Variants in BEND3 observed in about 807,000 individuals in gnomAD.
BEND3 encodes BEN domain-containing protein 3.
Under a neutral mutation model 60.1 loss-of-function variants are expected in BEND3, and 13 were observed. The observed-to-expected ratio is 0.22, with a 90% CI of 0.14 to 0.34. BEND3 has a LOEUF of 0.34. BEND3 is among the 10% of genes least tolerant of loss of function. The pLI is 1.00. For missense variants in BEND3, 896 were observed against 1,138.1 expected (o/e 0.79, Z 3.06); for synonymous variants, 497 against 491.5 (o/e 1.01, Z -0.15).
intron 1 of BEND3, among the ~76,000 whole-genome samples, chr6:107,104,942 G>A (rs576970756): frequency 1.3e-5 from 2 of 152,230 alleles, no homozygotes; most frequent in African/African-American, 4.8e-5. Context: ...TGGGATTAGA[G>A]GTGTGAGCCA....
chr6:107,099,563 C>T (rs567324048), intron 1 of BEND3, among the ~76,000 whole-genome samples: 1 of 152,140 alleles, frequency 6.6e-6, no homozygotes, highest in Admixed American at 6.5e-5. Flanking sequence ...ACTTACTGAG[C>T]CATGGGAACA....
chr6:107,072,190 G>A (rs1774997986), intron 3 of BEND3, among the ~76,000 whole-genome samples: 2 of 152,184 alleles, frequency 1.3e-5, no homozygotes, highest in African/African-American at 2.4e-5. Flanking sequence ...CGGGCAACTG[G>A]GAATGGACAA....
In BEND3 at chr6:107,070,943, A is replaced by C; in HGVS notation, c.248T>G (p.Leu83Arg). 1 of 1,604,622 alleles carries C rather than the reference A, an allele frequency of 6.2e-7. No homozygotes were observed. Among genetic ancestry groups the C allele is most frequent in the Non-Finnish European group, 8.5e-7 (1 of 1,175,454 alleles). ...GTTCTCACGGTTCCGCATGCCTGCT[A>C]GGAGAGCCTGCAAAACAAAAATCAT... ...KRRRLIPEALLAGMRNRENSS... is the reference protein window; with the variant it reads ...KRRRLIPEALRAGMRNRENSS... Residue 83 changes from leucine (L) to arginine (R), a missense_variant, in exon 4 of 4, where the codon CTA (leucine) becomes CGA (arginine). Leu to Arg is a moderately radical substitution (Grantham distance 102). Around this residue, in one of 4 missense-constraint regions of BEND3, gnomAD observed 846 missense variants for 1,036.7 expected, o/e 0.82. Transcript: ENST00000369042. The surrounding 1 kb of genome is among the most constrained non-coding windows in gnomAD (Gnocchi z 6.9).
intron 1 of BEND3, among the ~76,000 whole-genome samples, chr6:107,101,964 A>G (rs1775710226): frequency 6.6e-6 from 1 of 152,218 alleles, no homozygotes; most frequent in Non-Finnish European, 1.5e-5. Flanking sequence ...TACTTTACAA[A>G]ACAAATTACA....
chr6:107,085,171 C>G (rs1775317044), intron 3 of BEND3, among the ~76,000 whole-genome samples: 1 of 152,188 alleles, frequency 6.6e-6, no homozygotes, highest in Non-Finnish European at 1.5e-5. Context: ...CTCCTGAAGT[C>G]AGCGAGACCA....
rs149718519 is a variant in BEND3 at position 107,109,890 on chromosome 6, G to A, written c.-12+5200C>T. Among the ~76,000 whole-genome samples, 812 of 152,188 alleles carry A rather than the reference G, an allele frequency of 5.3e-3. 11 individuals are homozygous for A. Among genetic ancestry groups the A allele is most frequent in the African/African-American group, 0.018 (758 of 41,522 alleles). On this transcript the variant is annotated intron_variant, in intron 1 of 3. Coordinates refer to ENST00000369042, the MANE Select transcript of BEND3 (RefSeq NM_001367314.1). The stretch of plus-strand genomic sequence containing the variant: ...ACTCCGTCTCAAAAAAATCAGCCAG[G>A]CATGGTGGCACAGGCCTGTAGTTCC...
intron 1 of BEND3, among the ~76,000 whole-genome samples, chr6:107,110,447 G>A (rs1342159077): frequency 6.6e-6 from 1 of 152,124 alleles, no homozygotes; most frequent in East Asian, 1.9e-4. Context: ...AAATACTGAC[G>A]TATCAGAAGC....
At chr6:107,104,048 T>C (rs1554237055) in intron 1 of BEND3, among the ~76,000 whole-genome samples, 1 of 151,110 alleles carries the variant, frequency 6.6e-6, no homozygotes. Flanking sequence ...CCCCAGCACT[T>C]TGGAGGCGGG....
At chr6:107,083,995 G>T (rs311223) in intron 3 of BEND3, among the ~76,000 whole-genome samples, 124,700 of 152,290 alleles carry the variant, frequency 0.82, 51,112 homozygotes, top group East Asian at 0.89. Context: ...AGGTATCTGG[G>T]CCAGCATGGA....
chr6:107,080,394 GAAAA>G (rs58434022), intron 3 of BEND3, among the ~76,000 whole-genome samples: 2 of 124,266 alleles, frequency 1.6e-5, no homozygotes, highest in Non-Finnish European at 3.5e-5. Context: ...ACAGGAAAAA[GAAAA>G]AAAGAAAAGA....
intron 3 of BEND3, among the ~76,000 whole-genome samples, chr6:107,085,809 C>T (rs1437545263): frequency 4.8e-5 from 5 of 103,122 alleles, no homozygotes; most frequent in South Asian, 3.0e-4. Flanking sequence ...TTTTTTGAGA[C>T]GGAGTCTTGC....
chr6:107,070,156 C>T lies in BEND3; in HGVS notation c.1035G>A (p.Met345Ile). ...FFSRFWAQRE[M>I]EDSQPSGQVA... ...CCTGGCCGCTGGGCTGGCTGTCCTC[C>T]ATTTCCCGCTGGGCCCAGAAGCGGC... The change falls in exon 4 of 4, where the codon ATG becomes ATA. Residue 345 changes from methionine to isoleucine, a missense_variant. By Grantham distance (10) the Met-to-Ile change is conservative. Coordinates refer to ENST00000369042, the MANE Select transcript of BEND3 (RefSeq NM_001367314.1). This position sits in a 1 kb window ranked among gnomAD's most constrained non-coding sequence, Gnocchi z 6.9. 17 of 1,613,042 alleles carry T rather than the reference C, an allele frequency of 1.1e-5. No individual in the cohort carries two copies. Among genetic ancestry groups the T allele is most frequent in the Non-Finnish European group, 1.4e-5 (17 of 1,179,960 alleles).
In BEND3 at chr6:107,115,231, G is replaced by T; in HGVS notation, c.-153C>A. ...GGCCCGGGGAGGCGCTGGGGGCGGCGGGCGGGCGAGCGCCGTGTATTTTCC... is the reference window on the plus strand; with the variant it reads ...GGCCCGGGGAGGCGCTGGGGGCGGCTGGCGGGCGAGCGCCGTGTATTTTCC... On this transcript the variant is annotated 5_prime_UTR_variant, in exon 1 of 4. Coordinates refer to ENST00000369042, the MANE Select transcript of BEND3 (RefSeq NM_001367314.1). The T allele has an allele frequency of 6.7e-6, 1 of 150,054 alleles. No individual in the cohort carries two copies. Among genetic ancestry groups the T allele is most frequent in the South Asian group, 1.8e-4 (1 of 5,406 alleles). 9.3% of individuals were successfully genotyped at this position (150,054 alleles called of 1,614,324 possible).
intron 1 of BEND3, among the ~76,000 whole-genome samples, chr6:107,101,379 T>A (rs1775699205): frequency 6.6e-6 from 1 of 152,146 alleles, no homozygotes; most frequent in African/African-American, 2.4e-5. Flanking sequence ...AGCACAATCA[T>A]CACTGCAAAG....
chr6:107,067,759 T>C lies in BEND3; in HGVS notation c.*945A>G, dbSNP rs1774863154. 1 of 152,120 alleles carries C rather than the reference T, an allele frequency of 6.6e-6. No individual in the cohort carries two copies. The highest frequency in any genetic ancestry group is 1.5e-5 in the Non-Finnish European group (1 of 68,050). 9.4% of individuals were successfully genotyped at this position (152,120 alleles called of 1,614,324 possible). On this transcript the variant is annotated 3_prime_UTR_variant, in exon 4 of 4. Coordinates refer to ENST00000369042, the MANE Select transcript of BEND3 (RefSeq NM_001367314.1). ...TTGTACAAATACACACACGGAAAAG[T>C]AAACAGTTCATGGTGAGCTCAAAGA... is the stretch of plus-strand genomic sequence containing the variant.
At chr6:107,083,855 G>A (rs377023497) in intron 3 of BEND3, among the ~76,000 whole-genome samples, 2 of 152,190 alleles carry the variant, frequency 1.3e-5, no homozygotes, top group East Asian at 1.9e-4. Flanking sequence ...CTGGGAGGCC[G>A]AGGTGGGAGA....
intron 3 of BEND3, among the ~76,000 whole-genome samples, chr6:107,078,543 C>A (rs1554233037): frequency 4.7e-5 from 1 of 21,060 alleles, no homozygotes; most frequent in Non-Finnish European, 1.0e-4. Flanking sequence ...CAAGCTCTGC[C>A]TCCTGGGTTC....
intron 1 of BEND3, among the ~76,000 whole-genome samples, chr6:107,105,589 A>G (rs1413645223): frequency 6.6e-6 from 1 of 152,156 alleles, no homozygotes; most frequent in Admixed American, 6.5e-5. Flanking sequence ...CAGACAGACC[A>G]GGTCTTTTGG....
Position 107,069,710 on chromosome 6 carries a change from G to A in BEND3, c.1481C>T (p.Pro494Leu), listed in dbSNP as rs782037886. The A allele has an allele frequency of 1.7e-5, 27 of 1,610,124 alleles. No individual in the cohort carries two copies. Among genetic ancestry groups the A allele is most frequent in the South Asian group, 7.7e-5 (7 of 91,078 alleles). The change falls in exon 4 of 4, where the codon CCG (proline) becomes CTG (leucine). Residue 494 changes from proline to leucine, a missense_variant. This residue lies in a region of BEND3 where 846 missense variants were observed against 1,036.7 expected (regional missense o/e 0.82). Coordinates refer to ENST00000369042, the MANE Select transcript of BEND3 (RefSeq NM_001367314.1). ...GLDAGSEGDP[P>L]RDDCYDSSSL... The stretch of plus-strand genomic sequence containing the variant: ...GGAGGAGTCGTAGCAGTCATCACGC[G>A]GGGGGTCGCCTTCACTGCCCGCGTC...
Sources: gnomAD v4.1 joint callset for allele counts (sites outside exome capture counted in the v4.1 genomes callset) on GRCh38, gnomAD v4.1.1 for gene constraint, gnomAD v4.1.1 regional missense constraint, Gnocchi (gnomAD v3.1) non-coding constraint, MANE v1.5 for transcripts, NCBI Gene and HGNC (gene_info 2026-07-23, HGNC 2026-07-21) for gene names.